ZNF148: variants seen among roughly 807,000 people sequenced by gnomAD.
ZNF148 encodes Beta-Enolase Repressor Factor-1.
In ZNF148, 7 loss-of-function variants were observed where a neutral mutation model predicts 67.7. That is an observed-to-expected ratio of 0.10 (90% CI 0.06 to 0.19). ZNF148 has a LOEUF of 0.19. ZNF148 is among the 10% of genes least tolerant of loss of function. The pLI is 1.00. For synonymous variants in ZNF148, 333 were observed against 330.7 expected, an observed-to-expected ratio of 1.01 and a Z score of -0.08; for missense variants, 583 against 947.1, an observed-to-expected ratio of 0.62 and a Z score of 5.05.
At chr3:125,254,847 A>G (rs965094632) in intron 7 of ZNF148, among the ~76,000 whole-genome samples, 1 of 151,946 alleles carries the variant, frequency 6.6e-6, no homozygotes, top group African/African-American at 2.4e-5. Context: ...GTACTTTCTG[A>G]TCTGTTTTGG....
intron 1 of ZNF148, among the ~76,000 whole-genome samples, chr3:125,342,441 T>G (rs186511406): frequency 1.3e-5 from 2 of 151,966 alleles, no homozygotes; most frequent in East Asian, 3.9e-4. Flanking sequence ...AGATTTCTCA[T>G]CTCAAACCAC....
At chr3:125,278,636 T>C (rs1465705056) in intron 6 of ZNF148, among the ~76,000 whole-genome samples, 1 of 152,158 alleles carries the variant, frequency 6.6e-6, no homozygotes, top group Non-Finnish European at 1.5e-5. Context: ...TTTTCCTAGT[T>C]CAATGAATCT....
chr3:125,288,310 G>A, intron 4 of ZNF148, 82 bp from the exon 5 acceptor site: 1 of 1,427,118 alleles, frequency 7.0e-7, no homozygotes, highest in Non-Finnish European at 9.4e-7. Flanking sequence ...TTAATCCTTT[G>A]CTAAACCCAC....
At position 125,344,370 on chromosome 3, in the gene ZNF148, A is replaced by G. The variant is rs536937796; in HGVS notation, c.-233-13132T>C. The G allele has an allele frequency of 2.9e-5, 18 of 621,642 alleles. No individual in the cohort carries two copies. The African/African-American group carries it at 3.1e-4, about 11-fold the overall frequency. The allele number at this position is 621,642 out of a possible 1,614,324, so 38.5% of individuals were successfully genotyped here. ...ATCCACTTCCAAAAGATGGAAATCCACTGAATGTGGAAAAAATGACTCTGT... is the reference window on the plus strand; with the variant it reads ...ATCCACTTCCAAAAGATGGAAATCCGCTGAATGTGGAAAAAATGACTCTGT... On this transcript the variant is annotated intron_variant, in intron 1 of 8. Coordinates refer to ENST00000360647, the MANE Select transcript of ZNF148 (RefSeq NM_021964.3).
chr3:125,248,884 G>A (rs935873378), intron 7 of ZNF148, among the ~76,000 whole-genome samples: 1 of 152,176 alleles, frequency 6.6e-6, no homozygotes, highest in Non-Finnish European at 1.5e-5. Context: ...CCAGGAACAC[G>A]AAGTGTTCTG....
rs144006060 is a variant in ZNF148 at position 125,249,141 on chromosome 3, C to A, written c.668-14812G>T. Among the ~76,000 whole-genome samples, 741 of 151,982 alleles carry A rather than the reference C, an allele frequency of 4.9e-3. 2 individuals are homozygous for A. The highest frequency in any genetic ancestry group is 7.4e-3 in the Non-Finnish European group (502 of 67,938). ...CTTGGTAATGATTTTGTAGATATGACAACAAAACCATAAGCAAATAAAGCA... is the reference window on the plus strand; with the variant it reads ...CTTGGTAATGATTTTGTAGATATGAAAACAAAACCATAAGCAAATAAAGCA... On this transcript the variant is annotated intron_variant, in intron 7 of 8. Coordinates refer to ENST00000360647, the MANE Select transcript of ZNF148 (RefSeq NM_021964.3).
chr3:125,232,538 C>T lies in ZNF148; in HGVS notation c.2188G>A (p.Glu730Lys), dbSNP rs941141395. 6.2e-7 allele frequency: 1 copy of T among 1,613,652 alleles called. No individual in the cohort carries two copies. Among genetic ancestry groups the T allele is most frequent in the Non-Finnish European group, 8.5e-7 (1 of 1,179,732 alleles). The change falls in exon 9 of 9, where the codon GAA becomes AAA. Residue 730 changes from glutamate (E) to lysine (K), a missense_variant. Physicochemically the swap from Glu to Lys is moderately conservative, Grantham distance 56 (BLOSUM62 1). Transcript: ENST00000360647. This position sits in a 1 kb window ranked among gnomAD's most constrained non-coding sequence, Gnocchi z 4.2. ...TGATAGGGAGCACGGAAGGGCTGTT[C>T]AAAGGAGCTCATTTGGTAAGCTTGG... The part of the protein sequence containing the change: ...VHQAYQMSSF[E>K]QPFRAPYHGS...
chr3:125,232,061 T>A lies in ZNF148; in HGVS notation c.*280A>T. 3.3e-6 allele frequency: 1 copy of A among 305,044 alleles called. No individual in the cohort carries two copies. The highest frequency in any genetic ancestry group is 5.4e-5 in the East Asian group (1 of 18,430). The allele number at this position is 305,044 out of a possible 1,614,324, so 18.9% of individuals were successfully genotyped here. ...TAGGAAACAATTGTGCGAAAGTCTT[T>A]TTTTTTTCCTTTTTAACTTGGTGTG... On this transcript the variant is annotated 3_prime_UTR_variant, in exon 9 of 9. Coordinates refer to ENST00000360647, the MANE Select transcript of ZNF148 (RefSeq NM_021964.3). The surrounding 1 kb of genome is among the most constrained non-coding windows in gnomAD (Gnocchi z 4.2).
chr3:125,247,469 C>T (rs1035369224), intron 7 of ZNF148, among the ~76,000 whole-genome samples: 1 of 151,942 alleles, frequency 6.6e-6, no homozygotes, highest in African/African-American at 2.4e-5. Flanking sequence ...CAGAGTCTCA[C>T]TCTGTCAACC....
chr3:125,315,371 C>T (rs192162096), intron 3 of ZNF148, among the ~76,000 whole-genome samples: 93 of 151,852 alleles, frequency 6.1e-4, no homozygotes, highest in Non-Finnish European at 9.0e-4. Flanking sequence ...AACTTAGAAA[C>T]AACCATTAAA....
At chr3:125,263,676 T>C (rs1937444274) in intron 7 of ZNF148, among the ~76,000 whole-genome samples, 1 of 152,206 alleles carries the variant, frequency 6.6e-6, no homozygotes, top group Non-Finnish European at 1.5e-5. Context: ...ATTTGGTCTT[T>C]GTCCCTGATT....
chr3:125,371,775 T>G (rs1179885204), intron 1 of ZNF148, among the ~76,000 whole-genome samples: 2 of 151,464 alleles, frequency 1.3e-5, no homozygotes, highest in Non-Finnish European at 2.9e-5. Context: ...CAAAGAATAC[T>G]GCAATCAGGC....
At chr3:125,244,519 C>T (rs1285599241) in intron 7 of ZNF148, among the ~76,000 whole-genome samples, 4 of 151,186 alleles carry the variant, frequency 2.6e-5, no homozygotes, top group African/African-American at 9.7e-5. Flanking sequence ...TTTTCTGAGA[C>T]GGAGTTTCGC....
intron 1 of ZNF148, among the ~76,000 whole-genome samples, chr3:125,335,156 T>C (rs1181407922): frequency 6.6e-6 from 1 of 152,220 alleles, no homozygotes; most frequent in Non-Finnish European, 1.5e-5. Context: ...CATGTTTTTT[T>C]CTGCCCTAAC....
intron 1 of ZNF148, among the ~76,000 whole-genome samples, chr3:125,333,002 G>GA (rs893458716): frequency 3.3e-5 from 5 of 151,888 alleles, no homozygotes; most frequent in Non-Finnish European, 7.4e-5. Flanking sequence ...TATAGACAGG[G>GA]AAAAAAATGT....
chr3:125,350,835 C>A (rs924334391), intron 1 of ZNF148, among the ~76,000 whole-genome samples: 2 of 152,202 alleles, frequency 1.3e-5, no homozygotes, highest in Non-Finnish European at 2.9e-5. Context: ...TATATACACA[C>A]ACACAATGGA....
At chr3:125,255,687 G>C (rs894250836) in intron 7 of ZNF148, among the ~76,000 whole-genome samples, 1 of 151,472 alleles carries the variant, frequency 6.6e-6, no homozygotes, top group African/African-American at 2.4e-5. Flanking sequence ...TTTTACCTTC[G>C]TTTTTTATGA....
Position 125,277,679 on chromosome 3 carries a change from T to C in ZNF148, c.667+47A>G, listed in dbSNP as rs374549926. 5 of 1,531,656 alleles carry C rather than the reference T, an allele frequency of 3.3e-6. No homozygotes were observed. The African/African-American group carries it at 5.5e-5, about 17-fold the overall frequency. The allele number at this position is 1,531,656 out of a possible 1,614,324, so 94.9% of individuals were successfully genotyped here. A position where few individuals can be genotyped will look rare whatever the true frequency, so the allele number is the denominator to read the frequency against. On this transcript the variant is annotated intron_variant, in intron 7 of 8. Transcript: ENST00000360647. ...ACTTATTAAAAATTCTTCCCTCCAT[T>C]TGAAATAATCATTTTAATGAACCTA...
intron 1 of ZNF148, among the ~76,000 whole-genome samples, chr3:125,352,677 AAAAG>A (rs1942197378): frequency 6.6e-6 from 1 of 152,140 alleles, no homozygotes; most frequent in African/African-American, 2.4e-5. Flanking sequence ...AAAAAAAAAA[AAAAG>A]ATCTTCTCAA....
Sources: gnomAD v4.1 joint callset for allele counts (sites outside exome capture counted in the v4.1 genomes callset) on GRCh38, gnomAD v4.1.1 for gene constraint, Gnocchi (gnomAD v3.1) non-coding constraint, MANE v1.5 for transcripts, NCBI Gene and HGNC (gene_info 2026-07-23, HGNC 2026-07-21) for gene names.